The following WDR88 variants were observed in gnomAD, a reference collection of about 807,000 sequenced individuals.
The protein encoded by WDR88 is WD repeat-containing protein 88.
In WDR88, 40 loss-of-function variants were observed where a neutral mutation model predicts 46.8. That is an observed-to-expected ratio of 0.86 (90% confidence interval 0.66 to 1.11). WDR88 has a LOEUF of 1.11. Ranked by LOEUF, WDR88 falls within the 50% of genes most tolerant of loss-of-function variation. The pLI, the probability that WDR88 is intolerant of heterozygous loss-of-function variation, is 0.00. For synonymous variants in WDR88, 235 were observed against 240.7 expected, an observed-to-expected ratio of 0.98 and a Z score of 0.22; for missense variants, 562 against 602.4, an observed-to-expected ratio of 0.93 and a Z score of 0.70.
At chr19:33,153,353 C>G (rs1197218653) in intron 6 of WDR88, among the ~76,000 whole-genome samples, 1 of 151,892 alleles carries the variant, frequency 6.6e-6, no homozygotes, top group African/African-American at 2.4e-5. Flanking sequence ...GTGTGAGCCA[C>G]TGCACCTGGC....
intron 10 of WDR88, chr19:33,174,901 G>A: frequency 2.0e-6 from 2 of 985,432 alleles, no homozygotes; most frequent in Non-Finnish European, 2.4e-6. Flanking sequence ...AGCAGCCTGT[G>A]CTCATTCTCT....
At chr19:33,167,564 C>T (rs1973972889) in intron 9 of WDR88, among the ~76,000 whole-genome samples, 1 of 151,984 alleles carries the variant, frequency 6.6e-6, no homozygotes, top group South Asian at 2.1e-4. Context: ...GAAGTGCTAG[C>T]CGGAGCTATC....
chr19:33,145,586 G>A (rs187352386), intron 3 of WDR88, among the ~76,000 whole-genome samples: 2 of 151,932 alleles, frequency 1.3e-5, no homozygotes, highest in East Asian at 3.9e-4. Flanking sequence ...CCAGGCTGGA[G>A]TATAGTGGTG....
chr19:33,166,305 A>T (rs865974857), intron 9 of WDR88, among the ~76,000 whole-genome samples: 1 of 136,060 alleles, frequency 7.3e-6, no homozygotes, highest in Non-Finnish European at 1.5e-5. Flanking sequence ...AAAAAAAAAA[A>T]GCTGGGTGTG....
chr19:33,140,358 C>T (rs1190799304), intron 2 of WDR88, among the ~76,000 whole-genome samples: 4 of 152,118 alleles, frequency 2.6e-5, no homozygotes, highest in African/African-American at 9.7e-5. Context: ...GAGGGTCTTG[C>T]TACATTGCCC....
intron 5 of WDR88, among the ~76,000 whole-genome samples, chr19:33,149,834 A>G (rs957979295): frequency 5.3e-5 from 8 of 151,614 alleles, no homozygotes; most frequent in Admixed American, 5.3e-4. Flanking sequence ...TAATTTTTGT[A>G]TTTTTAGTAG....
chr19:33,171,813 G>A (rs981555427), intron 9 of WDR88, among the ~76,000 whole-genome samples: 5 of 152,050 alleles, frequency 3.3e-5, no homozygotes, highest in African/African-American at 7.3e-5. Flanking sequence ...TCACTCTGTC[G>A]CACAGGCTTG....
chr19:33,145,213 G>T (rs1316162521), intron 3 of WDR88, among the ~76,000 whole-genome samples: 3 of 151,926 alleles, frequency 2.0e-5, no homozygotes, highest in African/African-American at 7.3e-5. Flanking sequence ...GGAGTGCAGT[G>T]GTGCAAACAT....
At chr19:33,161,546 C>G (rs369912120) in intron 8 of WDR88, among the ~76,000 whole-genome samples, 23 of 152,272 alleles carry the variant, frequency 1.5e-4, no homozygotes, top group African/African-American at 5.5e-4. Flanking sequence ...CTTGAGCAGC[C>G]CATATTCAGG....
At chr19:33,136,605 C>G (rs2145361261) in intron 1 of WDR88, among the ~76,000 whole-genome samples, 1 of 152,294 alleles carries the variant, frequency 6.6e-6, no homozygotes, top group African/African-American at 2.4e-5. Context: ...CTCTGTCACC[C>G]AGGCTGGAGT....
At chr19:33,170,755 G>A (rs944329777) in intron 9 of WDR88, among the ~76,000 whole-genome samples, 1 of 152,012 alleles carries the variant, frequency 6.6e-6, no homozygotes, top group Non-Finnish European at 1.5e-5. Flanking sequence ...CCAGCTATTC[G>A]GGGGGCCAAG....
intron 2 of WDR88, 107 bp downstream of exon 2, chr19:33,137,894 T>C: frequency 1.1e-6 from 1 of 903,494 alleles, no homozygotes. Flanking sequence ...TTGTGGGTCC[T>C]GGTTTGCAGG....
chr19:33,174,195 C>G, intron 10 of WDR88: 1 of 1,536,468 alleles, frequency 6.5e-7, no homozygotes, highest in Admixed American at 2.0e-5. Flanking sequence ...AAGAAAGAGG[C>G]CTACCTGAAG....
At chr19:33,159,581 C>T (rs1251735340) in intron 7 of WDR88, among the ~76,000 whole-genome samples, 2 of 151,980 alleles carry the variant, frequency 1.3e-5, no homozygotes, top group African/African-American at 2.4e-5. Context: ...AACAAAGTTA[C>T]GTACTGATCA....
At position 33,132,434 on chromosome 19, in the gene WDR88, C is replaced by T. The variant is rs1973146863; in HGVS notation, c.265C>T (p.Pro89Ser). ...PEKLIWGDQD[P>S]LSKIPFKILS... ...GAAATTGATCTGGGGCGACCAGGAC[C>T]CTCTCTCCAAGGTCAGAACCGCCGC... The change falls in exon 1 of 11, where the codon CCT becomes TCT. Residue 89 changes from proline to serine, a missense_variant. Pro to Ser is a moderately conservative substitution (Grantham distance 74). Transcript: ENST00000355868. 2 of 1,613,724 alleles carry T rather than the reference C, an allele frequency of 1.2e-6. No individual in the cohort carries two copies. The highest frequency in any genetic ancestry group is 1.1e-5 in the South Asian group (1 of 91,090).
chr19:33,175,684 C>A lies in WDR88; in HGVS notation c.*112C>A. On this transcript the variant is annotated 3_prime_UTR_variant, in exon 11 of 11. Transcript: ENST00000355868. ...TCCCAGGCTCAGCAGGCCTGTCAGACTGGGGCAGGACCCAAGCCCTGGCTG... is the reference window on the plus strand; with the variant it reads ...TCCCAGGCTCAGCAGGCCTGTCAGAATGGGGCAGGACCCAAGCCCTGGCTG... 1 of 1,356,272 alleles carries A rather than the reference C, an allele frequency of 7.4e-7. No individual in the cohort carries two copies. The allele number at this position is 1,356,272 out of a possible 1,614,324, so 84.0% of individuals were successfully genotyped here. A position where few individuals can be genotyped will look rare whatever the true frequency, so the allele number is the denominator to read the frequency against.
intron 2 of WDR88, among the ~76,000 whole-genome samples, chr19:33,143,118 C>T (rs984001043): frequency 2.0e-5 from 3 of 151,776 alleles, no homozygotes; most frequent in Admixed American, 1.3e-4. Flanking sequence ...TTGCTTGAGG[C>T]CAAGAGTTTG....
chr19:33,149,098 T>C (rs1224759937), intron 5 of WDR88, among the ~76,000 whole-genome samples, 188 bp downstream of exon 5: 1 of 151,648 alleles, frequency 6.6e-6, no homozygotes, highest in Non-Finnish European at 1.5e-5. Flanking sequence ...CTTTGGGAGG[T>C]TGCTTGAGCC....
At chr19:33,140,369 A>G (rs1187142084) in intron 2 of WDR88, among the ~76,000 whole-genome samples, 1 of 152,192 alleles carries the variant, frequency 6.6e-6, no homozygotes, top group Non-Finnish European at 1.5e-5. Flanking sequence ...TACATTGCCC[A>G]GGCTAGTCTC....
Sources: allele counts gnomAD v4.1 joint callset (sites outside exome capture counted in the v4.1 genomes callset), GRCh38; gene constraint gnomAD v4.1.1; transcripts MANE v1.5; gene names NCBI Gene and HGNC (gene_info 2026-07-23, HGNC 2026-07-21).